The following TARS1 variants were observed in gnomAD, a reference collection of about 807,000 sequenced individuals.
TARS1 encodes the protein threonyl-tRNA synthetase 1.
In TARS1, 57 loss-of-function variants were observed where a neutral mutation model predicts 97.7. That is an observed-to-expected ratio of 0.58 (90% confidence interval 0.47 to 0.73). The LOEUF (loss-of-function observed/expected upper bound fraction) is 0.73. TARS1 is among the 30% of genes least tolerant of loss of function. TARS1 has a pLI of 0.00. For synonymous variants in TARS1, 312 were observed against 293.7 expected (o/e 1.06, Z -0.64); for missense variants, 806 against 888.3 (o/e 0.91, Z 1.18).
intron 1 of TARS1, among the ~76,000 whole-genome samples, chr5:33,443,895 TC>T (rs1374779903): frequency 1.3e-5 from 2 of 152,160 alleles, no homozygotes; most frequent in Non-Finnish European, 2.9e-5. Flanking sequence ...GTTTATTAAA[TC>T]CAGACTTCTG....
chr5:33,448,888 A>G (rs1483856192), intron 3 of TARS1, among the ~76,000 whole-genome samples, 157 bp downstream of exon 3: 1 of 152,220 alleles, frequency 6.6e-6, no homozygotes, highest in Non-Finnish European at 1.5e-5. Flanking sequence ...TAAAAATCAA[A>G]ATGATACAGA....
intron 1 of TARS1, among the ~76,000 whole-genome samples, chr5:33,442,848 A>G (rs1741180702): frequency 6.6e-6 from 1 of 152,138 alleles, no homozygotes; most frequent in Admixed American, 6.5e-5. Flanking sequence ...TTCTGTTATT[A>G]TCTCCATTAT....
At position 33,461,013 on chromosome 5, in the gene TARS1, G is replaced by A; in HGVS notation, c.1362G>A (p.Arg454=). The change falls in exon 12 of 19, where the codon CGG becomes CGA. Residue 454 remains arginine, a synonymous_variant. Transcript: ENST00000265112. ...ELSGALTGLT[R]VRRFQQDDAH... ...CTGGAGCACTCACAGGACTCACCCGGGTACGAAGATTCCAACAGGATGATG... is the reference window on the plus strand; with the variant it reads ...CTGGAGCACTCACAGGACTCACCCGAGTACGAAGATTCCAACAGGATGATG... 4 of 1,614,102 alleles carry A rather than the reference G, an allele frequency of 2.5e-6. No homozygotes were observed. Among genetic ancestry groups the A allele is most frequent in the Non-Finnish European group, 3.4e-6 (4 of 1,180,022 alleles).
In TARS1 at chr5:33,445,278, AG is replaced by A. The variant is rs1436753562; in HGVS notation, c.58-44del. The A allele has an allele frequency of 2.8e-6, 4 of 1,422,284 alleles. No homozygotes were observed. The East Asian group carries it at 7.3e-5, about 26-fold the overall frequency. The allele number at this position is 1,422,284 out of a possible 1,614,324, so 88.1% of individuals were successfully genotyped here. ...CACTTCCTGGGGCATCACAGGATGG[AG>A]GTGTCACATTAGATTAAAATATAAA... is the stretch of plus-strand genomic sequence containing the variant. On this transcript the variant is annotated intron_variant, in intron 1 of 18. Coordinates refer to ENST00000265112, the MANE Select transcript of TARS1 (RefSeq NM_152295.5).
intron 11 of TARS1, 78 bp from the exon 12 acceptor site, chr5:33,460,824 C>T (rs191019715): frequency 1.3e-6 from 2 of 1,541,678 alleles, no homozygotes; most frequent in Non-Finnish European, 1.8e-6. Context: ...TTTTTGACAA[C>T]CTTTCGTGTA....
At chr5:33,455,160 A>C in intron 5 of TARS1, 94 bp downstream of exon 5, 1 of 1,465,562 alleles carries the variant, frequency 6.8e-7, no homozygotes, top group East Asian at 2.4e-5. Flanking sequence ...AATGATATAG[A>C]TCTCACTGCT....
chr5:33,445,051 G>A (rs1741345824), intron 1 of TARS1, among the ~76,000 whole-genome samples: 1 of 151,980 alleles, frequency 6.6e-6, no homozygotes, highest in South Asian at 2.1e-4. Flanking sequence ...AACCTGAAGC[G>A]AGAGTCACAA....
chr5:33,462,321 C>A, intron 16 of TARS1, 118 bp downstream of exon 16: 1 of 912,850 alleles, frequency 1.1e-6, no homozygotes. Context: ...TTGCTTCTAA[C>A]TAACGACAAG....
chr5:33,442,320 C>CT (rs763508345), intron 1 of TARS1, among the ~76,000 whole-genome samples: 20,477 of 104,394 alleles, frequency 0.2, 1,861 homozygotes, highest in Non-Finnish European at 0.23. Context: ...TGTTTTGTAA[C>CT]TTTTTTTTTT....
At chr5:33,446,817 T>C (rs1241866614) in intron 2 of TARS1, 1 of 1,136,552 alleles carries the variant, frequency 8.8e-7, no homozygotes, top group Non-Finnish European at 1.2e-6. Flanking sequence ...GTACTGTGCA[T>C]TAGTCTGAGG....
chr5:33,441,397 C>A, intron 1 of TARS1: 1 of 504,002 alleles, frequency 2.0e-6, no homozygotes, highest in Non-Finnish European at 3.6e-6. Flanking sequence ...CTTGAGTGAG[C>A]GACTTGTTCA....
intron 4 of TARS1, 139 bp from the exon 5 acceptor site, chr5:33,454,806 T>C (rs1323892877): frequency 9.3e-7 from 1 of 1,077,150 alleles, no homozygotes; most frequent in Non-Finnish European, 1.3e-6. Flanking sequence ...AACAGTAGTT[T>C]ATAGATTTAG....
At chr5:33,447,296 G>T (rs1741466408) in intron 2 of TARS1, among the ~76,000 whole-genome samples, 1 of 152,086 alleles carries the variant, frequency 6.6e-6, no homozygotes, top group South Asian at 2.1e-4. Context: ...GCCCAGGTTG[G>T]AGTGCAGTGG....
At position 33,453,263 on chromosome 5, in the gene TARS1, CTTTTTTTT is replaced by C; in HGVS notation, c.330-11_330-4del. 6 of 1,342,246 alleles carry C rather than the reference CTTTTTTTT, an allele frequency of 4.5e-6. No homozygotes were observed. The highest frequency in any genetic ancestry group is 3.3e-5 in the Admixed American group (1 of 30,390). The allele number at this position is 1,342,246 out of a possible 1,614,324, so 83.1% of individuals were successfully genotyped here. Reference sequence around the variant, plus strand: ...TCGTGTGTACTTATATATGTGTGGACTTTTTTTTTTTTTTTTTTTTTTAAGTCAAGGCC... The same window carrying C: ...TCGTGTGTACTTATATATGTGTGGACTTTTTTTTTTTTTTAAGTCAAGGCC... On this transcript the variant is annotated intron_variant, in intron 3 of 18. Coordinates refer to ENST00000265112, the MANE Select transcript of TARS1 (RefSeq NM_152295.5).
At chr5:33,459,651 G>T in intron 10 of TARS1, 44 bp from the exon 11 acceptor site, 1 of 1,605,766 alleles carries the variant, frequency 6.2e-7, no homozygotes, top group Non-Finnish European at 8.5e-7. Flanking sequence ...CTTGAAGTAT[G>T]AGCATTTATT....
intron 16 of TARS1, 101 bp from the exon 17 acceptor site, chr5:33,463,652 T>C: frequency 9.7e-7 from 1 of 1,032,332 alleles, no homozygotes; most frequent in East Asian, 2.6e-5. Context: ...AGTCGTTACA[T>C]GTTCCAGGAA....
chr5:33,458,747 A>G (rs1211010853), intron 10 of TARS1, 83 bp downstream of exon 10: 4 of 1,105,780 alleles, frequency 3.6e-6, no homozygotes, highest in South Asian at 1.4e-5. Context: ...AGGAAAGATA[A>G]TCTGTATTTG....
chr5:33,449,114 GA>G (rs1012803161), intron 3 of TARS1, among the ~76,000 whole-genome samples: 4 of 151,972 alleles, frequency 2.6e-5, no homozygotes, highest in Middle Eastern at 3.4e-3. Flanking sequence ...TATAACACAT[GA>G]AAAAAATGTA....
At chr5:33,452,785 T>C (rs1053505508) in intron 3 of TARS1, among the ~76,000 whole-genome samples, 3 of 151,862 alleles carry the variant, frequency 2.0e-5, no homozygotes, top group Non-Finnish European at 4.4e-5. Flanking sequence ...TTTTTTTCCT[T>C]TGGAGTCTAC....
Sources: allele counts gnomAD v4.1 joint callset (sites outside exome capture counted in the v4.1 genomes callset), GRCh38; gene constraint gnomAD v4.1.1; transcripts MANE v1.5; gene names NCBI Gene and HGNC (gene_info 2026-07-23, HGNC 2026-07-21).